Variants in GSE1 observed in about 807,000 individuals in gnomAD.
The protein encoded by GSE1 is Gse1 coiled-coil protein.
A neutral mutation model predicts 112.6 loss-of-function variants in GSE1; 32 were observed. The ratio of observed to expected loss-of-function variants is 0.28; its 90% CI spans 0.21 to 0.38. GSE1 has a LOEUF of 0.38. Ranked by LOEUF, GSE1 falls within the 10% of genes least tolerant of loss-of-function variation. GSE1 has a pLI of 1.00. For missense variants in GSE1, 2,348 were observed against 1,699.2 expected (o/e 1.38, Z -6.71); for synonymous variants, 1,115 against 735.6 (o/e 1.52, Z -8.35).
intron 1 of GSE1, among the ~76,000 whole-genome samples, chr16:85,597,675 T>C (rs1384329334): frequency 6.6e-6 from 1 of 152,140 alleles, no homozygotes; most frequent in Non-Finnish European, 1.5e-5. Context: ...TTCGCCATGT[T>C]GCCTAGACTG....
At chr16:85,201,305 G>T (rs1030326596) in intron 1 of GSE1, among the ~76,000 whole-genome samples, 1 of 150,420 alleles carries the variant, frequency 6.6e-6, no homozygotes, top group East Asian at 1.9e-4. Context: ...TCCTAGGCTC[G>T]AGTGATCCTT....
chr16:85,497,035 A>C (rs2051204445), intron 2 of GSE1, among the ~76,000 whole-genome samples: 1 of 152,058 alleles, frequency 6.6e-6, no homozygotes, highest in African/African-American at 2.4e-5. Context: ...AGTAGCTGGG[A>C]TCACAGGCAC....
chr16:85,434,396 G>T (rs1304428089), intron 2 of GSE1, among the ~76,000 whole-genome samples: 1 of 152,022 alleles, frequency 6.6e-6, no homozygotes, highest in East Asian at 1.9e-4. Context: ...TTACTTGTAT[G>T]TGTAACTCCT....
intron 1 of GSE1, among the ~76,000 whole-genome samples, chr16:85,194,403 C>T (rs1372782081): frequency 6.6e-6 from 1 of 152,118 alleles, no homozygotes; most frequent in Non-Finnish European, 1.5e-5. Flanking sequence ...TAGATGTGCA[C>T]AAGGCAGTAA....
intron 1 of GSE1, among the ~76,000 whole-genome samples, chr16:85,221,402 C>T (rs923776295): frequency 5.9e-5 from 9 of 152,046 alleles, no homozygotes; most frequent in African/African-American, 2.2e-4. Context: ...TACACACATA[C>T]CACATACATA....
intron 1 of GSE1, among the ~76,000 whole-genome samples, chr16:85,578,533 C>G (rs901683003): frequency 6.6e-6 from 1 of 152,188 alleles, no homozygotes; most frequent in African/African-American, 2.4e-5. Context: ...CGTGTGTTAG[C>G]TGTGGTTACT....
chr16:85,521,011 C>G (rs999323547), intron 2 of GSE1, among the ~76,000 whole-genome samples: 1 of 152,076 alleles, frequency 6.6e-6, no homozygotes, highest in Non-Finnish European at 1.5e-5. Flanking sequence ...AAGTCTCAGC[C>G]GGGGTTGAGG....
chr16:85,199,207 T>C (rs891405981), intron 1 of GSE1, among the ~76,000 whole-genome samples: 2 of 152,140 alleles, frequency 1.3e-5, no homozygotes, highest in Non-Finnish European at 2.9e-5. Context: ...TCCGCCCGCC[T>C]CGGCTTCTCA....
In GSE1 at chr16:85,672,473, A is replaced by G; in HGVS notation, c.3588A>G (p.Leu1196=). The part of the protein sequence containing the change: ...RERLQAELDH[L]RKCLALPAMH... Reference sequence around the variant, plus strand: ...GGCTCCAGGCAGAACTGGACCACTTACGAAAGTGCCTTGCCTTGCCTGCAA... The same window carrying G: ...GGCTCCAGGCAGAACTGGACCACTTGCGAAAGTGCCTTGCCTTGCCTGCAA... The change falls in exon 16 of 16, where the codon TTA becomes TTG. Residue 1196 remains leucine (L), a synonymous_variant. Transcript: ENST00000253458. 6.2e-7 allele frequency: 1 copy of G among 1,611,686 alleles called. No homozygotes were observed. Among genetic ancestry groups the G allele is most frequent in the Non-Finnish European group, 8.5e-7 (1 of 1,178,040 alleles).
chr16:85,509,595 T>C (rs770745235), intron 2 of GSE1, among the ~76,000 whole-genome samples: 1 of 152,180 alleles, frequency 6.6e-6, no homozygotes, highest in African/African-American at 2.4e-5. Flanking sequence ...CTGATGACTG[T>C]GGAGTGACGT....
intron 1 of GSE1, among the ~76,000 whole-genome samples, chr16:85,219,965 A>T (rs2075364224): frequency 6.6e-6 from 1 of 152,196 alleles, no homozygotes; most frequent in Non-Finnish European, 1.5e-5. Flanking sequence ...CCCAGCCTGG[A>T]GGATGGGAAT....
In GSE1 at chr16:85,247,812, C is replaced by G. The variant is rs915843443; in HGVS notation, c.2283+76005C>G. On this transcript the variant is annotated intron_variant, in intron 1 of 2. Coordinates refer to the GSE1 transcript ENST00000637419. ...ATGGGGGACATGCCAGGGGGCTGGTCTTTGAGTGCAGTGGGGACACCTGAG... is the reference window on the plus strand; with the variant it reads ...ATGGGGGACATGCCAGGGGGCTGGTGTTTGAGTGCAGTGGGGACACCTGAG... Among the ~76,000 whole-genome samples the G allele has an allele frequency of 2.0e-5, 3 of 152,234 alleles. No homozygotes were observed. The East Asian group carries it at 5.8e-4, about 29-fold the overall frequency.
At chr16:85,600,210 T>TG (rs1374543480) in intron 1 of GSE1, among the ~76,000 whole-genome samples, 4 of 152,086 alleles carry the variant, frequency 2.6e-5, no homozygotes, top group African/African-American at 9.7e-5. Flanking sequence ...CACTCACAGG[T>TG]GGGGTCTGAG....
chr16:85,250,344 C>T (rs1287285744), intron 1 of GSE1, among the ~76,000 whole-genome samples: 4 of 152,220 alleles, frequency 2.6e-5, no homozygotes, highest in Admixed American at 2.0e-4. Flanking sequence ...CCAGCCCCTG[C>T]AGGACCGGCT....
At chr16:85,469,305 G>T (rs903379601) in intron 2 of GSE1, among the ~76,000 whole-genome samples, 1 of 152,094 alleles carries the variant, frequency 6.6e-6, no homozygotes. Flanking sequence ...CCTTATGAGA[G>T]ACAGAAGAGG....
chr16:85,356,221 G>A (rs761525089), intron 1 of GSE1, among the ~76,000 whole-genome samples: 3 of 152,184 alleles, frequency 2.0e-5, no homozygotes, highest in African/African-American at 7.2e-5. Flanking sequence ...CCCCATCATC[G>A]TCGTCGTCAT....
intron 1 of GSE1, among the ~76,000 whole-genome samples, chr16:85,186,971 C>G (rs764438914): frequency 6.6e-6 from 1 of 152,246 alleles, no homozygotes; most frequent in Admixed American, 6.5e-5. Flanking sequence ...CCACCAGCCC[C>G]TCAGGGTGAT....
intron 1 of GSE1, among the ~76,000 whole-genome samples, chr16:85,571,092 C>T (rs183672252): frequency 2.0e-5 from 3 of 152,286 alleles, no homozygotes; most frequent in East Asian, 3.9e-4. Flanking sequence ...TCCAGTGACC[C>T]GGATCTTGCT....
intron 2 of GSE1, among the ~76,000 whole-genome samples, chr16:85,507,521 G>C (rs1203185938): frequency 6.6e-6 from 1 of 152,230 alleles, no homozygotes; most frequent in Non-Finnish European, 1.5e-5. Flanking sequence ...ACTCTGGCTT[G>C]AACAATAGAA....
Sources: gnomAD v4.1 joint callset for allele counts (sites outside exome capture counted in the v4.1 genomes callset) on GRCh38, gnomAD v4.1.1 for gene constraint, MANE v1.5 for transcripts, NCBI Gene and HGNC (gene_info 2026-07-23, HGNC 2026-07-21) for gene names.